The following KCNQ5 variants were observed in gnomAD, a reference collection of about 807,000 sequenced individuals.
KCNQ5 encodes potassium voltage-gated channel subfamily KQT member 5.
In KCNQ5, 30 loss-of-function variants were observed where a neutral mutation model predicts 98.2. The ratio of observed to expected loss-of-function variants is 0.31; its 90% CI spans 0.23 to 0.41. KCNQ5 has a LOEUF of 0.41. Among genes scored for constraint, KCNQ5 ranks in the 10% least tolerant of loss-of-function variants. The probability of loss-of-function intolerance (pLI) is 1.00; values close to 1 mark genes in which losing one functional copy is unlikely to be tolerated. For synonymous variants in KCNQ5, 458 were observed against 449.4 expected (o/e 1.02, Z -0.24); for missense variants, 835 against 1,182.5 (o/e 0.71, Z 4.31).
chr6:72,908,477 A>G (rs1293030277), intron 1 of KCNQ5, among the ~76,000 whole-genome samples: 2 of 152,140 alleles, frequency 1.3e-5, no homozygotes, highest in African/African-American at 4.8e-5. Flanking sequence ...TCAAATATAA[A>G]CAATAAAATT....
intron 1 of KCNQ5, among the ~76,000 whole-genome samples, chr6:72,643,306 A>G (rs1429723914): frequency 3.3e-5 from 5 of 152,128 alleles, no homozygotes; most frequent in Non-Finnish European, 7.4e-5. Context: ...ATTTGTACAC[A>G]AACACAGAGC....
rs11266961 is a variant in KCNQ5, at chr6:72,941,666, CTCTTTCTTTCTT to C, written c.399-62168_399-62157del. 1.7e-4 allele frequency among the ~76,000 whole-genome samples: 14 copies of C among 83,158 alleles called. 1 individual carries two copies. Among genetic ancestry groups the C allele is most frequent in the African/African-American group, 5.9e-4 (12 of 20,442 alleles). 54.6% of individuals were successfully genotyped at this position (83,158 alleles called of 152,430 possible). Reference sequence around the variant, plus strand: ...TCCCCACCCGCACCTCCCTCCCCATCTCTTTCTTTCTTTCTTTCTTTCTTTCTTTCTTTCTTT... The same window carrying C: ...TCCCCACCCGCACCTCCCTCCCCATCTCTTTCTTTCTTTCTTTCTTTCTTT... On this transcript the variant is annotated intron_variant, in intron 1 of 13. Coordinates refer to ENST00000370398, the MANE Select transcript of KCNQ5 (RefSeq NM_019842.4).
intron 5 of KCNQ5, among the ~76,000 whole-genome samples, chr6:73,095,787 T>C (rs980914115): frequency 6.6e-5 from 10 of 152,192 alleles, no homozygotes; most frequent in Admixed American, 5.9e-4. Context: ...TGTGGGTTTC[T>C]CAGCCGTGGA....
rs557092016 is a variant in KCNQ5 at position 72,895,300 on chromosome 6, A to T, written c.399-108608A>T. 7.9e-4 allele frequency among the ~76,000 whole-genome samples: 120 copies of T among 151,198 alleles called. 1 individual carries two copies. The South Asian group carries it at 0.014, about 18-fold the overall frequency. On this transcript the variant is annotated intron_variant, in intron 1 of 13. Coordinates refer to ENST00000370398, the MANE Select transcript of KCNQ5 (RefSeq NM_019842.4). ...CGAGACTCGGTCTCAAAAAAAAAAAAAAGAAAAAAAACTCCATAGGTGATT... is the reference window on the plus strand; with the variant it reads ...CGAGACTCGGTCTCAAAAAAAAAAATAAGAAAAAAAACTCCATAGGTGATT...
At chr6:72,856,678 G>A (rs1040945429) in intron 1 of KCNQ5, among the ~76,000 whole-genome samples, 7 of 152,124 alleles carry the variant, frequency 4.6e-5, no homozygotes, top group Non-Finnish European at 1.0e-4. Flanking sequence ...TGAATATATG[G>A]TACTGAATAC....
chr6:73,039,006 G>A (rs1171932596), intron 2 of KCNQ5, among the ~76,000 whole-genome samples: 1 of 152,094 alleles, frequency 6.6e-6, no homozygotes, highest in Non-Finnish European at 1.5e-5. Flanking sequence ...TAAACTATGA[G>A]TTCAATTGCT....
chr6:72,779,241 A>T (rs1773324894), intron 1 of KCNQ5, among the ~76,000 whole-genome samples: 1 of 152,212 alleles, frequency 6.6e-6, no homozygotes, highest in Admixed American at 6.5e-5. Context: ...TATGAGGCAG[A>T]GTCCTGGAGG....
At chr6:72,988,676 C>CT (rs1222717732) in intron 1 of KCNQ5, among the ~76,000 whole-genome samples, 2 of 113,818 alleles carry the variant, frequency 1.8e-5, no homozygotes, top group South Asian at 3.0e-4. Flanking sequence ...TTATTATACT[C>CT]TAAGTTTTAG....
intron 7 of KCNQ5, among the ~76,000 whole-genome samples, chr6:73,118,212 G>A (rs1775587871): frequency 3.3e-5 from 5 of 152,150 alleles, no homozygotes; most frequent in African/African-American, 1.2e-4. Context: ...GATAACCACT[G>A]TGCTACCTTC....
Position 72,831,783 on chromosome 6 carries a change from C to T in KCNQ5, c.399-172125C>T, listed in dbSNP as rs371310399. ...AAAAAAAAAGAATGTCTTTAAGAGA[C>T]GGACATTGTTGCAGAGCCCTTTTAC... On this transcript the variant is annotated intron_variant, in intron 1 of 13. Transcript: ENST00000370398. Among the ~76,000 whole-genome samples, 30 of 150,862 alleles carry T rather than the reference C, an allele frequency of 2.0e-4. No homozygotes were observed. In the South Asian group the frequency reaches 2.8e-3, roughly 14 times the overall value.
chr6:73,020,480 C>G (rs936688387), intron 2 of KCNQ5, among the ~76,000 whole-genome samples: 2 of 152,014 alleles, frequency 1.3e-5, no homozygotes, highest in African/African-American at 4.8e-5. Flanking sequence ...TCAGGAACCT[C>G]CAGATGTTCA....
chr6:73,170,905 G>A (rs946151824), intron 11 of KCNQ5, among the ~76,000 whole-genome samples: 2 of 152,096 alleles, frequency 1.3e-5, no homozygotes, highest in African/African-American at 4.8e-5. Context: ...CTGCACTCCA[G>A]CCTGGGCAAC....
intron 1 of KCNQ5, among the ~76,000 whole-genome samples, chr6:72,935,054 C>T (rs944077472): frequency 1.3e-5 from 2 of 149,774 alleles, no homozygotes; most frequent in African/African-American, 4.9e-5. Flanking sequence ...ATATATTGGC[C>T]TTGTTCTATC....
At chr6:73,100,963 A>G (rs1338579840) in intron 5 of KCNQ5, among the ~76,000 whole-genome samples, 1 of 152,162 alleles carries the variant, frequency 6.6e-6, no homozygotes, top group African/African-American at 2.4e-5. Flanking sequence ...TGAACAGACC[A>G]ATAACAAGTA....
At chr6:72,635,862 A>T (rs1415078890) in intron 1 of KCNQ5, among the ~76,000 whole-genome samples, 2 of 151,644 alleles carry the variant, frequency 1.3e-5, no homozygotes, top group African/African-American at 4.8e-5. Context: ...TACCTAATTT[A>T]CATATTGCTC....
chr6:73,018,169 A>G (rs1342840170), intron 2 of KCNQ5, among the ~76,000 whole-genome samples: 2 of 152,076 alleles, frequency 1.3e-5, no homozygotes, highest in African/African-American at 4.8e-5. Context: ...AGAATTTGTG[A>G]GTTAATTACA....
At chr6:73,098,258 G>T (rs1343964110) in intron 5 of KCNQ5, among the ~76,000 whole-genome samples, 3 of 151,944 alleles carry the variant, frequency 2.0e-5, no homozygotes, top group Non-Finnish European at 2.9e-5. Flanking sequence ...GAATAAAAAA[G>T]AAGGAAATGC....
intron 1 of KCNQ5, among the ~76,000 whole-genome samples, chr6:72,999,608 A>T (rs1202329176): frequency 6.6e-6 from 1 of 152,194 alleles, no homozygotes; most frequent in African/African-American, 2.4e-5. Context: ...CAGATGTCTT[A>T]ATTTTTATGT....
chr6:72,878,361 G>A (rs145513469), intron 1 of KCNQ5, among the ~76,000 whole-genome samples: 4 of 152,284 alleles, frequency 2.6e-5, no homozygotes, highest in African/African-American at 4.8e-5. Flanking sequence ...ATGAACTCAC[G>A]ACCTTTGACA....
Sources: allele counts gnomAD v4.1 joint callset (sites outside exome capture counted in the v4.1 genomes callset), GRCh38; gene constraint gnomAD v4.1.1; transcripts MANE v1.5; gene names NCBI Gene and HGNC (gene_info 2026-07-23, HGNC 2026-07-21).